Variants in MYO1C observed in about 807,000 individuals in gnomAD.
The protein encoded by MYO1C is myosin IC.
In MYO1C, 104 loss-of-function variants were observed where a neutral mutation model predicts 150.8. The ratio of observed to expected loss-of-function variants is 0.69; its 90% CI spans 0.59 to 0.81. The LOEUF (loss-of-function observed/expected upper bound fraction) is 0.81, where lower values mean the gene tolerates loss of function less well. Ranked by LOEUF, MYO1C falls within the 30% of genes least tolerant of loss-of-function variation. The pLI is 0.00. For synonymous variants in MYO1C, 663 were observed against 579.9 expected (o/e 1.14, Z -2.06); for missense variants, 1,504 against 1,435.0 (o/e 1.05, Z -0.78).
At chr17:1,476,632 C>G (rs2074407055) in intron 14 of MYO1C, among the ~76,000 whole-genome samples, 1 of 152,202 alleles carries the variant, frequency 6.6e-6, no homozygotes, top group Non-Finnish European at 1.5e-5. Flanking sequence ...CCAAGAACCC[C>G]TCAAGGAGCA....
Position 1,480,738 on chromosome 17 carries a change from G to A in MYO1C, c.775C>T (p.Arg259Trp), listed in dbSNP as rs746776371. The A allele has an allele frequency of 7.4e-6, 12 of 1,614,002 alleles. No homozygotes were observed. Among genetic ancestry groups the A allele is most frequent in the South Asian group, 4.4e-5 (4 of 91,082 alleles). The change falls in exon 6 of 32, where the codon CGG becomes TGG. Residue 259 changes from arginine to tryptophan, a missense_variant. By Grantham distance (101) the Arg-to-Trp change is moderately radical. Coordinates refer to ENST00000648651, the MANE Select transcript of MYO1C (RefSeq NM_001080779.2). ...EETLRRLGLE[R>W]NPQSYLYLVK... ...AGGTACAGGTAGCTCTGGGGGTTCCGTTCCAAGCCCAGCCTGCGAAGAGTC... is the reference window on the plus strand; with the variant it reads ...AGGTACAGGTAGCTCTGGGGGTTCCATTCCAAGCCCAGCCTGCGAAGAGTC...
intron 1 of MYO1C, chr17:1,485,890 T>G: frequency 5.7e-6 from 1 of 176,548 alleles, no homozygotes; most frequent in Non-Finnish European, 1.1e-5. Context: ...TGGGGTCCCC[T>G]CCAGGTGGGG....
At position 1,479,238 on chromosome 17, in the gene MYO1C, C is replaced by T. The variant is rs993941446; in HGVS notation, c.1092+193G>A. Among the ~76,000 whole-genome samples the T allele has an allele frequency of 6.6e-6, 1 of 152,212 alleles. No individual in the cohort carries two copies. Among genetic ancestry groups the T allele is most frequent in the Non-Finnish European group, 1.5e-5 (1 of 68,042 alleles). On this transcript the variant is annotated intron_variant, in intron 9 of 31. Transcript: ENST00000648651. This position sits in a 1 kb window ranked among gnomAD's most constrained non-coding sequence, Gnocchi z 4.2. ...GAACTCCTGACCTCAGGTGACCTGC[C>T]CACCTCAGCCTCCCCAAGTGCTGGG...
At chr17:1,484,879 C>CCAA in intron 1 of MYO1C, 3 of 353,508 alleles carry the variant, frequency 8.5e-6, no homozygotes, top group Admixed American at 4.0e-5. Context: ...CTCTCCCACC[C>CCAA]AGACCCACCC....
At chr17:1,483,148 T>C in intron 3 of MYO1C, 89 bp from the exon 4 acceptor site, 1 of 1,328,688 alleles carries the variant, frequency 7.5e-7, no homozygotes, top group African/African-American at 1.4e-5. Flanking sequence ...TGGAGTCCTC[T>C]TGTGGGAGTC....
chr17:1,470,717 C>A, intron 21 of MYO1C, 28 bp from the exon 22 acceptor site: 1 of 1,592,660 alleles, frequency 6.3e-7, no homozygotes, highest in Non-Finnish European at 8.5e-7. Flanking sequence ...AGGCAATTGG[C>A]CAGAGCGCGG....
chr17:1,474,774 T>TGCCCCCCCCCCCCCCCC, intron 16 of MYO1C, 38 bp downstream of exon 16: 1 of 1,597,380 alleles, frequency 6.3e-7, no homozygotes, highest in Non-Finnish European at 8.6e-7. Flanking sequence ...CTGTGGGCTA[T>TGCCCCCCCCCCCCCCCC]CCCCACCCCC....
In MYO1C at chr17:1,479,398, C is replaced by G; in HGVS notation, c.1092+33G>C. The G allele has an allele frequency of 1.0e-6, 1 of 998,200 alleles. No individual in the cohort carries two copies. Among genetic ancestry groups the G allele is most frequent in the Non-Finnish European group, 1.5e-6 (1 of 651,152 alleles). 61.8% of individuals were successfully genotyped at this position (998,200 alleles called of 1,614,324 possible). A position where few individuals can be genotyped will look rare whatever the true frequency, so the allele number is the denominator to read the frequency against. ...TAGGGGCTGCCTTGGAACAGCTGCC[C>G]CTCCACACCCGAGGGCAAGGGCCCG... On this transcript the variant is annotated intron_variant, in intron 9 of 31. Coordinates refer to ENST00000648651, the MANE Select transcript of MYO1C (RefSeq NM_001080779.2). This position sits in a 1 kb window ranked among gnomAD's most constrained non-coding sequence, Gnocchi z 4.2.
Position 1,474,937 on chromosome 17 carries a change from C to T in MYO1C, c.1669+1G>A. 1 of 1,601,514 alleles carries T rather than the reference C, an allele frequency of 6.2e-7. No individual in the cohort carries two copies. Among genetic ancestry groups the T allele is most frequent in the Non-Finnish European group, 8.5e-7 (1 of 1,173,674 alleles). On this transcript the variant is annotated splice_donor_variant, in intron 15 of 31. Coordinates refer to ENST00000648651, the MANE Select transcript of MYO1C (RefSeq NM_001080779.2). LOFTEE classifies it high-confidence loss of function. ...TGGGGACACAGCCCCAGGATCCTCA[C>T]CGGTCACGCTGTAGGTCACCTCCCC...
chr17:1,489,085 G>T (rs374838744), intron 1 of MYO1C, among the ~76,000 whole-genome samples: 3 of 152,196 alleles, frequency 2.0e-5, no homozygotes, highest in Admixed American at 6.5e-5. Flanking sequence ...GCTATAAACC[G>T]ATGTCCACTG....
chr17:1,483,158 C>T (rs2074572111), intron 3 of MYO1C, 99 bp from the exon 4 acceptor site: 14 of 1,199,534 alleles, frequency 1.2e-5, no homozygotes, highest in East Asian at 2.6e-5. Flanking sequence ...TTGTGGGAGT[C>T]GAATACACCC....
chr17:1,465,804 C>T, intron 31 of MYO1C, 52 bp from the exon 32 acceptor site: 1 of 1,274,312 alleles, frequency 7.8e-7, no homozygotes, highest in South Asian at 3.1e-5. Flanking sequence ...GACGGGGGCC[C>T]CGGTACTCAG....
chr17:1,471,837 C>T, intron 19 of MYO1C, 70 bp downstream of exon 19: 1 of 1,497,890 alleles, frequency 6.7e-7, no homozygotes, highest in Admixed American at 1.7e-5. Flanking sequence ...CCCTTGTCTG[C>T]CCTCATGGGA....
At chr17:1,483,269 C>G (rs1233239472) in intron 3 of MYO1C, among the ~76,000 whole-genome samples, 3 of 151,644 alleles carry the variant, frequency 2.0e-5, no homozygotes, top group Non-Finnish European at 4.4e-5. Context: ...GAGAGGCTCT[C>G]ACAGGTGGGA....
chr17:1,469,072 G>A, intron 25 of MYO1C: 1 of 301,012 alleles, frequency 3.3e-6, no homozygotes, highest in Non-Finnish European at 6.5e-6. Context: ...GCAGGGCCTG[G>A]CATCCAACTG....
At chr17:1,470,724 G>C in intron 21 of MYO1C, 35 bp from the exon 22 acceptor site, 1 of 1,587,498 alleles carries the variant, frequency 6.3e-7, no homozygotes, top group Non-Finnish European at 8.5e-7. Flanking sequence ...TGGCCAGAGC[G>C]CGGGGAGCCA....
At chr17:1,470,546 A>ACTCTATCTT (rs1448878748) in intron 22 of MYO1C, 27 bp from the exon 23 acceptor site, 2 of 1,560,740 alleles carry the variant, frequency 1.3e-6, no homozygotes, top group South Asian at 2.3e-5. Flanking sequence ...AGATGGCTGA[A>ACTCTATCTT]CTCTATCTTC....
intron 1 of MYO1C, among the ~76,000 whole-genome samples, chr17:1,486,658 G>A (rs2074662257): frequency 6.6e-6 from 1 of 152,182 alleles, no homozygotes; most frequent in Non-Finnish European, 1.5e-5. Context: ...TGGGATTACA[G>A]GCGTGCGCCA....
chr17:1,488,671 G>A (rs1361934779), intron 1 of MYO1C, among the ~76,000 whole-genome samples: 1 of 152,230 alleles, frequency 6.6e-6, no homozygotes, highest in Non-Finnish European at 1.5e-5. Context: ...GGGCTACCAG[G>A]GCTGTGACCT....
Sources: gnomAD v4.1 joint callset for allele counts (sites outside exome capture counted in the v4.1 genomes callset) on GRCh38, gnomAD v4.1.1 for gene constraint, Gnocchi (gnomAD v3.1) non-coding constraint, MANE v1.5 for transcripts, NCBI Gene and HGNC (gene_info 2026-07-23, HGNC 2026-07-21) for gene names.